TACC2: variants seen among roughly 807,000 people sequenced by gnomAD.
TACC2 encodes the protein transforming acidic coiled-coil-containing protein 2.
In TACC2, 137 loss-of-function variants were observed where a neutral mutation model predicts 227.3. That is an observed-to-expected ratio of 0.60 (90% CI 0.52 to 0.69). TACC2 has a LOEUF of 0.69. Among genes scored for constraint, TACC2 ranks in the 30% least tolerant of loss-of-function variants. The pLI is 0.00. For synonymous variants in TACC2, 1,523 were observed against 1,487.5 expected (o/e 1.02, Z -0.55); for missense variants, 3,470 against 3,694.4 (o/e 0.94, Z 1.57).
intron 1 of TACC2, among the ~76,000 whole-genome samples, chr10:121,990,850 C>A (rs1395413458): frequency 6.6e-6 from 1 of 152,100 alleles, no homozygotes; most frequent in African/African-American, 2.4e-5. Flanking sequence ...TGTAGTGTTG[C>A]CTTCTCGGCT....
intron 7 of TACC2, among the ~76,000 whole-genome samples, chr10:122,151,946 G>A (rs965067030): frequency 9.9e-5 from 15 of 152,204 alleles, no homozygotes; most frequent in Admixed American, 1.3e-4. Flanking sequence ...CTACTCCCAG[G>A]CTGGACTGTG....
At chr10:121,994,822 A>T (rs904705153) in intron 1 of TACC2, 4 of 152,184 alleles carry the variant, frequency 2.6e-5, no homozygotes, top group African/African-American at 9.7e-5. Context: ...TTTCCTTATA[A>T]AGTGAAATTA....
intron 5 of TACC2, among the ~76,000 whole-genome samples, chr10:122,096,998 T>C (rs1445506485): frequency 1.3e-5 from 2 of 152,130 alleles, no homozygotes; most frequent in Admixed American, 6.5e-5. Flanking sequence ...GCCCTTTCCT[T>C]TTGCAAGCCT....
At position 122,083,037 on chromosome 10, in the gene TACC2, G is replaced by A. The variant is rs752447470; in HGVS notation, c.537G>A (p.Pro179=). The part of the protein sequence containing the change: ...AVPSAGRERQ[P]KEEGQKSSFS... ...CCAGTGCTGGAAGAGAGAGACAGCC[G>A]AAGGAAGAAGGACAGAAGTCCTCCT... Residue 179 remains proline, a synonymous_variant, in exon 4 of 23, where the codon CCG becomes CCA. Transcript: ENST00000369005. The A allele has an allele frequency of 1.9e-5, 30 of 1,612,302 alleles. No individual in the cohort carries two copies. The East Asian group carries it at 2.2e-4, about 12-fold the overall frequency.
chr10:122,071,564 C>A (rs2078054154), intron 3 of TACC2, among the ~76,000 whole-genome samples: 1 of 152,024 alleles, frequency 6.6e-6, no homozygotes, highest in African/African-American at 2.4e-5. Flanking sequence ...TGGCACCTGA[C>A]CTTGAAGTCA....
chr10:121,990,475 T>A (rs1474570388), intron 1 of TACC2, among the ~76,000 whole-genome samples: 1 of 152,140 alleles, frequency 6.6e-6, no homozygotes, highest in East Asian at 1.9e-4. Flanking sequence ...ATTTTGTTTT[T>A]GTCTTATGGC....
At chr10:122,151,902 C>A (rs144910577) in intron 7 of TACC2, among the ~76,000 whole-genome samples, 1 of 152,154 alleles carries the variant, frequency 6.6e-6, no homozygotes, top group African/African-American at 2.4e-5. Flanking sequence ...CAACGTGGGC[C>A]ACAGTATGTC....
chr10:122,089,400 G>A (rs553139279), intron 5 of TACC2, among the ~76,000 whole-genome samples: 5 of 152,242 alleles, frequency 3.3e-5, no homozygotes, highest in African/African-American at 4.8e-5. Context: ...CACCAACAGC[G>A]GTCACACTCC....
chr10:122,016,295 G>A (rs1177471876), intron 1 of TACC2, among the ~76,000 whole-genome samples: 7 of 147,682 alleles, frequency 4.7e-5, no homozygotes, highest in African/African-American at 1.0e-4. Context: ...AAAGCCAGGC[G>A]CGGTGGCTCA....
At chr10:122,040,331 G>T (rs1253494752) in intron 2 of TACC2, among the ~76,000 whole-genome samples, 1 of 152,146 alleles carries the variant, frequency 6.6e-6, no homozygotes, top group Non-Finnish European at 1.5e-5. Flanking sequence ...GAAAGAGGTG[G>T]TGGTGACGCT....
chr10:122,242,593 A>G (rs1013762275), intron 19 of TACC2, among the ~76,000 whole-genome samples: 1 of 152,158 alleles, frequency 6.6e-6, no homozygotes, highest in Non-Finnish European at 1.5e-5. Context: ...TTTGGCTCAC[A>G]ATAAAAGAAG....
chr10:122,212,396 C>T (rs1212152236), intron 9 of TACC2, among the ~76,000 whole-genome samples: 1 of 152,174 alleles, frequency 6.6e-6, no homozygotes, highest in Non-Finnish European at 1.5e-5. Flanking sequence ...GCTCTATGGT[C>T]CCCAGACACT....
intron 5 of TACC2, among the ~76,000 whole-genome samples, chr10:122,114,456 A>T (rs1051624438): frequency 6.6e-6 from 1 of 152,232 alleles, no homozygotes; most frequent in Non-Finnish European, 1.5e-5. Context: ...AAAATTGCAC[A>T]GTGAGTTCCC....
intron 5 of TACC2, among the ~76,000 whole-genome samples, chr10:122,132,045 A>AAAGGAAGGAAGG (rs1565389785): frequency 3.2e-4 from 1 of 3,170 alleles, no homozygotes; most frequent in African/African-American, 3.6e-4. Context: ...AGAAAGAAAG[A>AAAGGAAGGAAGG]AAGAAAGAAA....
chr10:122,215,324 CTCTGTACTGCTCTGGAGTGTTCCG>C, intron 9 of TACC2, 43 bp from the exon 10 acceptor site: 4 of 1,438,856 alleles, frequency 2.8e-6, no homozygotes, highest in Non-Finnish European at 3.9e-6. Context: ...CTTCGGTCCG[CTCTGTACTGCTCTGGAGTGTTCCG>C]TCCCTCTGCT....
At chr10:122,065,570 A>G (rs1326214547) in intron 3 of TACC2, among the ~76,000 whole-genome samples, 1 of 152,228 alleles carries the variant, frequency 6.6e-6, no homozygotes, top group African/African-American at 2.4e-5. Flanking sequence ...CTGTACTTGA[A>G]AAAAATGTTA....
At chr10:122,032,183 A>G (rs1240804768) in intron 2 of TACC2, among the ~76,000 whole-genome samples, 1 of 152,028 alleles carries the variant, frequency 6.6e-6, no homozygotes, top group African/African-American at 2.4e-5. Flanking sequence ...CTTCAATATC[A>G]CTTGAAGCAG....
chr10:122,131,657 CTG>C (rs1388289766), intron 5 of TACC2, among the ~76,000 whole-genome samples: 1 of 152,208 alleles, frequency 6.6e-6, no homozygotes. Flanking sequence ...GGGGACTGTC[CTG>C]TGTGTGGTAG....
At chr10:122,136,484 T>C (rs985983168) in intron 6 of TACC2, among the ~76,000 whole-genome samples, 3 of 150,994 alleles carry the variant, frequency 2.0e-5, no homozygotes, top group Admixed American at 1.3e-4. Context: ...TAGTTTAAAT[T>C]TAAAAATTAA....
Sources: gnomAD v4.1 joint callset for allele counts (sites outside exome capture counted in the v4.1 genomes callset) on GRCh38, gnomAD v4.1.1 for gene constraint, MANE v1.5 for transcripts, NCBI Gene and HGNC (gene_info 2026-07-23, HGNC 2026-07-21) for gene names.